The following HMG20B variants were observed in gnomAD, a reference collection of about 807,000 sequenced individuals.
HMG20B encodes SWI/SNF-related matrix-associated actin-dependent regulator of chromatin subfamily E member 1-related.
Under a neutral mutation model 41.6 loss-of-function variants are expected in HMG20B, and 24 were observed. The ratio of observed to expected loss-of-function variants is 0.58; its 90% CI spans 0.42 to 0.81. The LOEUF is 0.81. Among genes scored for constraint, HMG20B ranks in the 30% least tolerant of loss-of-function variants. The probability of loss-of-function intolerance (pLI) is 0.00; values close to 1 mark genes in which losing one functional copy is unlikely to be tolerated. For synonymous variants in HMG20B, 251 were observed against 186.6 expected, an observed-to-expected ratio of 1.34 and a Z score of -2.81; for missense variants, 461 against 444.0, an observed-to-expected ratio of 1.04 and a Z score of -0.34.
At chr19:3,576,162 G>GT (rs1343603877) in intron 5 of HMG20B, 99 bp from the exon 6 acceptor site, 1 of 1,053,694 alleles carries the variant, frequency 9.5e-7, no homozygotes, top group Non-Finnish European at 1.5e-6. Flanking sequence ...GGGCACTCAA[G>GT]TGGGGAGCTG....
At chr19:3,578,326 G>T in intron 9 of HMG20B, 183 bp from the exon 10 acceptor site, 1 of 1,149,934 alleles carries the variant, frequency 8.7e-7, no homozygotes, top group Non-Finnish European at 1.2e-6. Flanking sequence ...GGGGGCACCA[G>T]AACTTCCCTA....
chr19:3,578,153 G>T, intron 9 of HMG20B, 40 bp downstream of exon 9: 1 of 1,593,576 alleles, frequency 6.3e-7, no homozygotes. Context: ...GGGGTTCAAG[G>T]CCCGGATGTG....
intron 7 of HMG20B, 86 bp downstream of exon 7, chr19:3,576,711 G>A (rs1455063272): frequency 1.5e-6 from 2 of 1,356,386 alleles, no homozygotes; most frequent in Non-Finnish European, 2.1e-6. Flanking sequence ...CAAGACTGCA[G>A]GAGGCGGATC....
chr19:3,575,497 T>C (rs771192851), intron 4 of HMG20B, 43 bp from the exon 5 acceptor site: 1 of 1,556,034 alleles, frequency 6.4e-7, no homozygotes, highest in East Asian at 2.4e-5. Flanking sequence ...ATCCTGGCGT[T>C]GGAGGCTTCC....
chr19:3,573,565 C>A, intron 2 of HMG20B, 127 bp from the exon 3 acceptor site: 1 of 963,256 alleles, frequency 1.0e-6, no homozygotes, highest in Non-Finnish European at 1.5e-6. Flanking sequence ...CCCCATCAGA[C>A]CCTGCCTCCT....
intron 8 of HMG20B, 155 bp downstream of exon 8, chr19:3,577,262 C>T (rs2032189557): frequency 1.5e-5 from 9 of 599,292 alleles, no homozygotes; most frequent in Non-Finnish European, 2.6e-5. Context: ...TCGCCCCGCC[C>T]TCATCACCCC....
chr19:3,575,372 G>C, intron 4 of HMG20B, 168 bp from the exon 5 acceptor site: 1 of 1,159,912 alleles, frequency 8.6e-7, no homozygotes, highest in East Asian at 2.8e-5. Context: ...GTGGGAGCTC[G>C]GAGGTCCCTG....
Position 3,574,421 on chromosome 19 carries a change from G to A in HMG20B, c.186G>A (p.Arg62=), listed in dbSNP as rs1295247688. ...KKRGWPKGKK[R]KKILPNGPKA... ...GCGGCTGGCCCAAGGGCAAGAAGCG[G>A]AAGAAGATTCTGCCGAATGGGCCCA... Residue 62 remains arginine, a synonymous_variant, in exon 4 of 10, where the codon CGG becomes CGA. Coordinates refer to ENST00000333651, the MANE Select transcript of HMG20B (RefSeq NM_006339.3). 1.2e-6 allele frequency: 2 copies of A among 1,606,774 alleles called. No homozygotes were observed. The highest frequency in any genetic ancestry group is 2.2e-5 in the South Asian group (2 of 89,894).
intron 7 of HMG20B, 32 bp from the exon 8 acceptor site, chr19:3,576,860 C>G (rs1325260863): frequency 6.5e-7 from 1 of 1,548,614 alleles, no homozygotes; most frequent in South Asian, 1.2e-5. Flanking sequence ...AAAGGGGAGG[C>G]GCAGGCTTTG....
At position 3,576,976 on chromosome 19, in the gene HMG20B, G is replaced by A. The variant is rs769887853; in HGVS notation, c.677G>A (p.Ser226Asn). 2 of 1,575,316 alleles carry A rather than the reference G, an allele frequency of 1.3e-6. No individual in the cohort carries two copies. The highest frequency in any genetic ancestry group is 1.4e-5 in the African/African-American group (1 of 74,060). Residue 226 changes from serine to asparagine, a missense_variant, in exon 8 of 10, where the codon AGC (serine) becomes AAC (asparagine). Physicochemically the swap from Ser to Asn is conservative, Grantham distance 46. This residue lies in a region of HMG20B where 308 missense variants were observed against 283.4 expected (regional missense o/e 1.09). Transcript: ENST00000333651. Reference protein sequence around the residue: ...QNAVLQRHTQSMSSARERLEQ... With the variant: ...QNAVLQRHTQNMSSARERLEQ... ...GCGGTACTGCAGAGGCACACGCAGAGCATGAGCAGCGCGCGCGAGCGTCTG... is the reference window on the plus strand; with the variant it reads ...GCGGTACTGCAGAGGCACACGCAGAACATGAGCAGCGCGCGCGAGCGTCTG...
At chr19:3,573,229 A>T in intron 1 of HMG20B, 63 bp from the exon 2 acceptor site, 1 of 1,363,962 alleles carries the variant, frequency 7.3e-7, no homozygotes, top group Non-Finnish European at 9.8e-7. Flanking sequence ...GGGGTACCCC[A>T]GTTCGCGGTC....
At position 3,576,839 on chromosome 19, in the gene HMG20B, G is replaced by T. The variant is rs371489697; in HGVS notation, c.593-53G>T. The T allele has an allele frequency of 4.9e-5, 76 of 1,537,208 alleles. 1 individual carries two copies. The African/African-American group carries it at 8.4e-4, about 17-fold the overall frequency. On this transcript the variant is annotated intron_variant, in intron 7 of 9. Transcript: ENST00000333651. The stretch of plus-strand genomic sequence containing the variant: ...AGGGGCACGTCCCGGGCAAAAGCCC[G>T]GAGGTAGGGGAAAGGGGAGGCGCAG...
At position 3,578,716 on chromosome 19, in the gene HMG20B, A is replaced by G. The variant is rs748466731; in HGVS notation, c.*195A>G. On this transcript the variant is annotated 3_prime_UTR_variant, in exon 10 of 10. Transcript: ENST00000333651. ...AATCTCCCCAGCCCCCTGAACCCGGAAAAAGCACTCGCTGCGCGATACACC... is the reference window on the plus strand; with the variant it reads ...AATCTCCCCAGCCCCCTGAACCCGGGAAAAGCACTCGCTGCGCGATACACC... 12 of 817,704 alleles carry G rather than the reference A, an allele frequency of 1.5e-5. No individual in the cohort carries two copies. Among genetic ancestry groups the G allele is most frequent in the Non-Finnish European group, 2.5e-5 (12 of 481,992 alleles). The allele number at this position is 817,704 out of a possible 1,614,324, so 50.7% of individuals were successfully genotyped here.
chr19:3,577,577 C>T (rs1170743032), intron 8 of HMG20B, among the ~76,000 whole-genome samples: 1 of 144,176 alleles, frequency 6.9e-6, no homozygotes, highest in Non-Finnish European at 1.5e-5. Context: ...CCCCGCTCGC[C>T]ACGCCACGTT....
At chr19:3,578,296 C>T (rs2032217922) in intron 9 of HMG20B, 183 bp downstream of exon 9, 8 of 1,122,042 alleles carry the variant, frequency 7.1e-6, no homozygotes, top group Non-Finnish European at 8.7e-6. Flanking sequence ...TGGAGAACCC[C>T]GGGCCGGCGG....
At chr19:3,575,890 G>A in intron 5 of HMG20B, 1 of 484,664 alleles carries the variant, frequency 2.1e-6, no homozygotes, top group South Asian at 2.4e-5. Context: ...GTTGCAGTGA[G>A]CCAAGATTGC....
At chr19:3,573,119 C>T (rs778909005) in intron 1 of HMG20B, 125 bp downstream of exon 1, 34 of 530,348 alleles carry the variant, frequency 6.4e-5, no homozygotes, top group Non-Finnish European at 9.7e-5. Context: ...GGCAATCGCC[C>T]AACAAAGGAT....
intron 3 of HMG20B, 103 bp from the exon 4 acceptor site, chr19:3,574,280 C>CTA (rs2032108319): frequency 5.2e-6 from 4 of 772,148 alleles, no homozygotes; most frequent in Admixed American, 2.5e-5. Context: ...AGCTAGGCCC[C>CTA]GCCCCCATCC....
intron 3 of HMG20B, 87 bp from the exon 4 acceptor site, chr19:3,574,296 C>CA: frequency 1.0e-5 from 11 of 1,057,520 alleles, no homozygotes; most frequent in Admixed American, 2.3e-5. Context: ...CATCCCCGCC[C>CA]ATACGCGTTA....
Sources: gnomAD v4.1 joint callset for allele counts (sites outside exome capture counted in the v4.1 genomes callset) on GRCh38, gnomAD v4.1.1 for gene constraint, gnomAD v4.1.1 regional missense constraint, MANE v1.5 for transcripts, NCBI Gene and HGNC (gene_info 2026-07-23, HGNC 2026-07-21) for gene names.